Variants in ERFE observed in about 807,000 individuals in gnomAD.
ERFE encodes complement C1q tumor necrosis factor-related protein 15.
In ERFE, 25 loss-of-function variants were observed where a neutral mutation model predicts 26.6. The ratio of observed to expected loss-of-function variants is 0.94; its 90% CI spans 0.69 to 1.31. The LOEUF (loss-of-function observed/expected upper bound fraction) is 1.31. Ranked by LOEUF, ERFE falls within the 40% of genes most tolerant of loss-of-function variation. ERFE has a pLI of 0.00. For missense variants in ERFE, 447 were observed against 440.2 expected, an observed-to-expected ratio of 1.02 and a Z score of -0.14; for synonymous variants, 206 against 204.5, an observed-to-expected ratio of 1.01 and a Z score of -0.06.
chr2:238,166,747 C>A (rs866227601), intron 7 of ERFE, among the ~76,000 whole-genome samples: 2 of 152,262 alleles, frequency 1.3e-5, no homozygotes, highest in Non-Finnish European at 2.9e-5. Context: ...AACTGTAGGG[C>A]GCTGCAGGGA....
At chr2:238,163,690 GC>G in intron 3 of ERFE, 46 bp from the exon 4 acceptor site, 1 of 1,267,432 alleles carries the variant, frequency 7.9e-7, no homozygotes, top group Non-Finnish European at 9.9e-7. Flanking sequence ...CACGCGGCGG[GC>G]GGGTGAGGGG....
rs1441962129 is a variant in ERFE at position 238,164,194 on chromosome 2, G to A, written c.796+11G>A. The A allele has an allele frequency of 7.0e-7, 1 of 1,432,694 alleles. No homozygotes were observed. The highest frequency in any genetic ancestry group is 9.1e-7 in the Non-Finnish European group (1 of 1,103,136). 88.7% of individuals were successfully genotyped at this position (1,432,694 alleles called of 1,614,324 possible). On this transcript the variant is annotated intron_variant, in intron 5 of 7. Transcript: ENST00000546354. The stretch of plus-strand genomic sequence containing the variant: ...CCACGCTGCACGTGGGTGAGGCCCG[G>A]GGCGTGGGAGGATCGCCCGCTCTGT...
rs1235176245 is a variant in ERFE, at chr2:238,167,386, C to G, written c.*332C>G. 1 of 589,090 alleles carries G rather than the reference C, an allele frequency of 1.7e-6. No individual in the cohort carries two copies. Among genetic ancestry groups the G allele is most frequent in the Admixed American group, 2.2e-5 (1 of 46,292 alleles). 36.5% of individuals were successfully genotyped at this position (589,090 alleles called of 1,614,324 possible). On this transcript the variant is annotated 3_prime_UTR_variant, in exon 8 of 8. Coordinates refer to ENST00000546354, the MANE Select transcript of ERFE (RefSeq NM_001291832.2). ...TGCTCAGCACCTGCCCAGATGGCCT[C>G]TGCGTCTTTCCTGTGCCCAGCCCCA...
In ERFE at chr2:238,167,308, C is replaced by T. The variant is rs1485848671; in HGVS notation, c.*254C>T. ...TCTTATCCAGGAAAGAAAGAGTCGG[C>T]GTGCCTGGGGGCACCTGCTAGTCTC... On this transcript the variant is annotated 3_prime_UTR_variant, in exon 8 of 8. Transcript: ENST00000546354. 7 of 685,556 alleles carry T rather than the reference C, an allele frequency of 1.0e-5. No homozygotes were observed. Among genetic ancestry groups the T allele is most frequent in the Admixed American group, 8.1e-5 (4 of 49,310 alleles). 42.5% of individuals were successfully genotyped at this position (685,556 alleles called of 1,614,324 possible).
intron 1 of ERFE, among the ~76,000 whole-genome samples, chr2:238,159,778 C>G (rs2106318709): frequency 6.6e-6 from 1 of 152,232 alleles, no homozygotes. Flanking sequence ...GAGGGTGGTC[C>G]GGTTGGGGAG....
intron 7 of ERFE, 23 bp from the exon 8 acceptor site, chr2:238,166,933 C>T: frequency 6.5e-7 from 1 of 1,546,962 alleles, no homozygotes. Context: ...TGGCCCAGTG[C>T]CTCAAAGGCA....
In ERFE at chr2:238,167,914, T is replaced by C. The variant is rs201656316; in HGVS notation, c.*860T>C. ...GGAGCCACCCACCAGAGGAAAGATC[T>C]AGAACGTCTTTACAGATTGGAGACA... On this transcript the variant is annotated 3_prime_UTR_variant, in exon 8 of 8. Coordinates refer to ENST00000546354, the MANE Select transcript of ERFE (RefSeq NM_001291832.2). 1.2e-3 allele frequency: 241 copies of C among 197,492 alleles called. 1 individual carries two copies. Among genetic ancestry groups the C allele is most frequent in the Non-Finnish European group, 1.9e-3 (176 of 94,534 alleles). 12.2% of individuals were successfully genotyped at this position (197,492 alleles called of 1,614,324 possible). A position where few individuals can be genotyped will look rare whatever the true frequency, so the allele number is the denominator to read the frequency against.
chr2:238,159,776 T>A (rs1692910831), intron 1 of ERFE, among the ~76,000 whole-genome samples: 1 of 152,076 alleles, frequency 6.6e-6, no homozygotes, highest in South Asian at 2.1e-4. Context: ...CAGAGGGTGG[T>A]CCGGTTGGGG....
chr2:238,161,744 G>A, intron 2 of ERFE, 28 bp downstream of exon 2: 1 of 1,523,748 alleles, frequency 6.6e-7, no homozygotes, highest in South Asian at 1.2e-5. Flanking sequence ...TCAGTGCCAG[G>A]CCGTGGGGGG....
rs1246319034 is a variant in ERFE at position 238,158,982 on chromosome 2, G to C, written c.-26G>C. The C allele has an allele frequency of 1.2e-5, 3 of 248,338 alleles. No homozygotes were observed. The highest frequency in any genetic ancestry group is 2.3e-5 in the African/African-American group (1 of 43,546). The allele number at this position is 248,338 out of a possible 1,614,324, so 15.4% of individuals were successfully genotyped here. ...CCGGGGCGTCCGAGACGCCGCGCTC[G>C]GAGCCGCGAGGGAACCGCCGCCCGC... On this transcript the variant is annotated 5_prime_UTR_variant, in exon 1 of 8. Coordinates refer to ENST00000546354, the MANE Select transcript of ERFE (RefSeq NM_001291832.2).
At position 238,163,720 on chromosome 2, in the gene ERFE, C is replaced by G; in HGVS notation, c.425-17C>G. ...TGAGGGGTCCCTGGCGCGCGGCCACCGCTCGCTCTGTGCCAGGTGCGGTGC... is the reference window on the plus strand; with the variant it reads ...TGAGGGGTCCCTGGCGCGCGGCCACGGCTCGCTCTGTGCCAGGTGCGGTGC... On this transcript the variant is annotated splice_polypyrimidine_tract_variant and intron_variant, in intron 3 of 7. Coordinates refer to ENST00000546354, the MANE Select transcript of ERFE (RefSeq NM_001291832.2). 1 of 1,290,442 alleles carries G rather than the reference C, an allele frequency of 7.7e-7. No individual in the cohort carries two copies. Among genetic ancestry groups the G allele is most frequent in the South Asian group, 2.5e-5 (1 of 40,632 alleles). The allele number at this position is 1,290,442 out of a possible 1,614,324, so 79.9% of individuals were successfully genotyped here. A position where few individuals can be genotyped will look rare whatever the true frequency, so the allele number is the denominator to read the frequency against.
At chr2:238,162,645 G>A in intron 2 of ERFE, 91 bp from the exon 3 acceptor site, 2 of 828,818 alleles carry the variant, frequency 2.4e-6, no homozygotes, top group Non-Finnish European at 4.1e-6. Flanking sequence ...GAGCTCTGTT[G>A]CCTGCCTCTT....
chr2:238,164,429 C>T (rs540216264), intron 6 of ERFE, 69 bp downstream of exon 6: 1 of 1,462,608 alleles, frequency 6.8e-7, no homozygotes. Flanking sequence ...GGTGGTTAAA[C>T]AGGCACTGGA....
In ERFE at chr2:238,167,048, C is replaced by T. The variant is rs774983015; in HGVS notation, c.1059C>T (p.Gly353=). The T allele has an allele frequency of 1.6e-5, 25 of 1,550,098 alleles. No individual in the cohort carries two copies. Among genetic ancestry groups the T allele is most frequent in the African/African-American group, 2.7e-5 (2 of 73,064 alleles). Residue 353 remains glycine (G), a synonymous_variant, in exon 8 of 8, where the codon GGC becomes GGT. Coordinates refer to ENST00000546354, the MANE Select transcript of ERFE (RefSeq NM_001291832.2). ...CCCACTTCAGTGCTGTCCTCCTGGG[C>T]GTGTGAGCGGCCACCACAGGCCCTT... ...SGSHFSAVLL[G]V
intron 7 of ERFE, among the ~76,000 whole-genome samples, chr2:238,166,473 C>T (rs970713292): frequency 1.3e-4 from 20 of 152,314 alleles, no homozygotes; most frequent in African/African-American, 4.8e-4. Context: ...GGGTGGATCC[C>T]AGATTCTGCA....
At position 238,164,013 on chromosome 2, in the gene ERFE, C is replaced by CGCGGGAGGGCGGGTGAGT. The variant is rs1284181623; in HGVS notation, c.687+15_687+32dup. ...GTCTACTACCTGGTGAGTGCCGGCGCGCGGGAGGGCGGGTGAGTCCGGCCG... is the reference window on the plus strand; with the variant it reads ...GTCTACTACCTGGTGAGTGCCGGCGCGCGGGAGGGCGGGTGAGTGCGGGAGGGCGGGTGAGTCCGGCCG... On this transcript the variant is annotated intron_variant, in intron 4 of 7. Transcript: ENST00000546354. 7.3e-7 allele frequency: 1 copy of CGCGGGAGGGCGGGTGAGT among 1,374,108 alleles called. No individual in the cohort carries two copies. The highest frequency in any genetic ancestry group is 9.3e-7 in the Non-Finnish European group (1 of 1,070,658). The allele number at this position is 1,374,108 out of a possible 1,614,324, so 85.1% of individuals were successfully genotyped here.
At chr2:238,166,037 G>T (rs2106321250) in intron 7 of ERFE, among the ~76,000 whole-genome samples, 1 of 152,342 alleles carries the variant, frequency 6.6e-6, no homozygotes, top group Non-Finnish European at 1.5e-5. Flanking sequence ...TGCAGGGAGG[G>T]AATGGAGGCC....
intron 6 of ERFE, chr2:238,164,581 G>T (rs1458306150): frequency 1.1e-5 from 6 of 556,128 alleles, no homozygotes; most frequent in Non-Finnish European, 1.9e-5. Context: ...CCAGCTGGGC[G>T]CGGTGGCTCA....
intron 6 of ERFE, 146 bp downstream of exon 6, chr2:238,164,506 G>C (rs1257968375): frequency 5.5e-6 from 4 of 731,396 alleles, no homozygotes; most frequent in African/African-American, 3.7e-5. Context: ...CAGGTCTCCC[G>C]GTCTACTTCT....
Sources: allele counts gnomAD v4.1 joint callset (sites outside exome capture counted in the v4.1 genomes callset), GRCh38; gene constraint gnomAD v4.1.1; transcripts MANE v1.5; gene names NCBI Gene and HGNC (gene_info 2026-07-23, HGNC 2026-07-21).